EEFSEC: variants seen among roughly 807,000 people sequenced by gnomAD.
EEFSEC encodes selenocysteine-specific elongation factor.
In EEFSEC, 43 loss-of-function variants were observed where a neutral mutation model predicts 42.1. That is an observed-to-expected ratio of 1.02 (90% CI 0.80 to 1.32). EEFSEC has a LOEUF of 1.32. EEFSEC is among the 40% of genes most tolerant of loss of function. The pLI, the probability that EEFSEC is intolerant of heterozygous loss-of-function variation, is 0.00. For synonymous variants in EEFSEC, 354 were observed against 339.1 expected, an observed-to-expected ratio of 1.04 and a Z score of -0.48; for missense variants, 745 against 803.6, an observed-to-expected ratio of 0.93 and a Z score of 0.88.
intron 1 of EEFSEC, among the ~76,000 whole-genome samples, chr3:128,162,625 G>T (rs1264673912): frequency 6.6e-6 from 1 of 152,110 alleles, no homozygotes; most frequent in Non-Finnish European, 1.5e-5. Context: ...AATTAATGCA[G>T]AATATTTGAG....
chr3:128,340,163 G>A (rs1185052554), intron 4 of EEFSEC, among the ~76,000 whole-genome samples: 1 of 152,044 alleles, frequency 6.6e-6, no homozygotes, highest in South Asian at 2.1e-4. Flanking sequence ...CCCTCTTAGG[G>A]CTTGCACTTA....
intron 1 of EEFSEC, among the ~76,000 whole-genome samples, chr3:128,172,596 G>C (rs2065310196): frequency 6.6e-6 from 1 of 152,186 alleles, no homozygotes; most frequent in Non-Finnish European, 1.5e-5. Context: ...ACTGTGACTG[G>C]CTGGGAGCAG....
intron 1 of EEFSEC, among the ~76,000 whole-genome samples, chr3:128,239,164 G>A (rs141897851): frequency 2.9e-4 from 44 of 152,322 alleles, no homozygotes; most frequent in Middle Eastern, 3.4e-3. Flanking sequence ...AAGAAACCCC[G>A]TGAGGGGCCA....
At chr3:128,235,941 GGTTTGTTTGTTTGTTT>G (rs66797888) in intron 1 of EEFSEC, among the ~76,000 whole-genome samples, 11 of 149,192 alleles carry the variant, frequency 7.4e-5, no homozygotes, top group South Asian at 2.1e-4. Context: ...GATGGGCAAA[GGTTTGTTTGTTTGTTT>G]GTTTGTTTGT....
At chr3:128,420,119 G>C in the EEFSEC span, among the ~76,000 whole-genome samples, 20,401 of 152,172 alleles carry the variant, frequency 0.13, 1,488 homozygotes, top group South Asian at 0.2. Flanking sequence ...AAAAGAAGTA[G>C]AGGGGGAGAA....
At chr3:128,262,080 C>A in intron 2 of EEFSEC, 48 bp from the exon 3 acceptor site, 2 of 1,574,498 alleles carry the variant, frequency 1.3e-6, no homozygotes, top group South Asian at 1.1e-5. Context: ...GCTTTGTGTC[C>A]ATGTTGCTGA....
chr3:128,319,982 G>A (rs924724671), intron 4 of EEFSEC, among the ~76,000 whole-genome samples: 1 of 152,262 alleles, frequency 6.6e-6, no homozygotes, highest in Non-Finnish European at 1.5e-5. Context: ...TTGGCTGGGT[G>A]TCTGGCTTCA....
intron 6 of EEFSEC, among the ~76,000 whole-genome samples, chr3:128,396,684 G>A (rs2067985504): frequency 6.6e-6 from 1 of 152,178 alleles, no homozygotes. Flanking sequence ...GTTACCTTGG[G>A]CAAGTTCCTG....
At chr3:128,374,838 G>A (rs1251726594) in intron 6 of EEFSEC, among the ~76,000 whole-genome samples, 1 of 152,216 alleles carries the variant, frequency 6.6e-6, no homozygotes, top group African/African-American at 2.4e-5. Context: ...AGCACAGAGA[G>A]GTAAAGGAAA....
chr3:128,268,729 G>T (rs1422840375), intron 4 of EEFSEC, among the ~76,000 whole-genome samples: 1 of 152,178 alleles, frequency 6.6e-6, no homozygotes, highest in South Asian at 2.1e-4. Flanking sequence ...AAGCCAAGGG[G>T]TGCCCATGGT....
At chr3:128,414,757 G>T in the EEFSEC span, among the ~76,000 whole-genome samples, 1 of 152,208 alleles carries the variant, frequency 6.6e-6, no homozygotes, top group Admixed American at 6.5e-5. Context: ...GCTCAGATTG[G>T]TTTGGGGAAG....
At chr3:128,261,551 CTTT>C (rs386397883) in intron 2 of EEFSEC, among the ~76,000 whole-genome samples, 8 of 106,874 alleles carry the variant, frequency 7.5e-5, no homozygotes, top group African/African-American at 1.1e-4. Context: ...CTCTTTCCCT[CTTT>C]TTTTTTTTTT....
At chr3:128,168,987 G>T (rs915884587) in intron 1 of EEFSEC, among the ~76,000 whole-genome samples, 1 of 152,200 alleles carries the variant, frequency 6.6e-6, no homozygotes, top group African/African-American at 2.4e-5. Context: ...CTGCTTGCCA[G>T]GGGTTGAGTT....
chr3:128,178,122 A>C (rs1263478402), intron 1 of EEFSEC, among the ~76,000 whole-genome samples: 1 of 152,214 alleles, frequency 6.6e-6, no homozygotes, highest in East Asian at 1.9e-4. Context: ...CATAGTTCAG[A>C]GTCGAGTTAT....
At chr3:128,425,126 A>G in the EEFSEC span, among the ~76,000 whole-genome samples, 2 of 152,140 alleles carry the variant, frequency 1.3e-5, no homozygotes, top group Non-Finnish European at 2.9e-5. Context: ...TGTAACCCCT[A>G]CCTGAGTCAA....
chr3:128,417,258 T>G, the EEFSEC span, among the ~76,000 whole-genome samples: 1 of 151,590 alleles, frequency 6.6e-6, no homozygotes, highest in South Asian at 2.1e-4. The surrounding 1 kb of genome is among the most constrained non-coding windows in gnomAD (Gnocchi z 4.3). Context: ...ATTGCCAGAG[T>G]CCTCACCATG....
At chr3:128,187,195 G>A (rs145257753) in intron 1 of EEFSEC, among the ~76,000 whole-genome samples, 6 of 152,242 alleles carry the variant, frequency 3.9e-5, no homozygotes, top group East Asian at 1.9e-4. Flanking sequence ...ATTTGAACCC[G>A]GGCACCCTGA....
chr3:128,407,514 C>T (rs1049133204), intron 6 of EEFSEC, among the ~76,000 whole-genome samples: 1 of 152,074 alleles, frequency 6.6e-6, no homozygotes, highest in Admixed American at 6.5e-5. Flanking sequence ...GGTATGCAGC[C>T]TGCATATCCC....
Position 128,394,899 on chromosome 3 carries a change from AC to A in EEFSEC, c.1601-13167del, listed in dbSNP as rs1269165497. ...AAGGGCATCCTGGCCCGGCCTCTGC[AC>A]CCTTGGTTGAAGCAAGCCCTTCCTT... is the stretch of plus-strand genomic sequence containing the variant. On this transcript the variant is annotated intron_variant, in intron 6 of 6. Transcript: ENST00000254730. Among the ~76,000 whole-genome samples the A allele has an allele frequency of 2.0e-5, 3 of 152,156 alleles. No homozygotes were observed. The East Asian group carries it at 5.8e-4, about 29-fold the overall frequency.
Sources: allele counts gnomAD v4.1 joint callset (sites outside exome capture counted in the v4.1 genomes callset), GRCh38; gene constraint gnomAD v4.1.1; non-coding constraint Gnocchi (gnomAD v3.1); transcripts MANE v1.5; gene names NCBI Gene and HGNC (gene_info 2026-07-23, HGNC 2026-07-21).